MAD1L1: variants seen among roughly 807,000 people sequenced by gnomAD.
MAD1L1 encodes the protein mitotic spindle assembly checkpoint protein MAD1.
A neutral mutation model predicts 96.9 loss-of-function variants in MAD1L1; 95 were observed. That is an observed-to-expected ratio of 0.98 (90% CI 0.83 to 1.16). The LOEUF (loss-of-function observed/expected upper bound fraction) is 1.16, where lower values mean the gene tolerates loss of function less well. Among genes scored for constraint, MAD1L1 ranks in the 50% most tolerant of loss-of-function variants. MAD1L1 has a pLI of 0.00. For synonymous variants in MAD1L1, 473 were observed against 396.6 expected, an observed-to-expected ratio of 1.19 and a Z score of -2.29; for missense variants, 1,007 against 954.4, an observed-to-expected ratio of 1.06 and a Z score of -0.73.
chr7:2,018,743 A>G (rs956782804), intron 12 of MAD1L1, among the ~76,000 whole-genome samples: 2 of 151,766 alleles, frequency 1.3e-5, no homozygotes, highest in African/African-American at 4.8e-5. Flanking sequence ...CCCCTCACCC[A>G]TCTTCCTCCC....
chr7:1,869,982 T>C (rs953044282), intron 18 of MAD1L1, among the ~76,000 whole-genome samples: 3 of 152,118 alleles, frequency 2.0e-5, no homozygotes, highest in Non-Finnish European at 2.9e-5. Context: ...GCCTCGCCCG[T>C]GCCTCCCCTG....
intron 10 of MAD1L1, among the ~76,000 whole-genome samples, chr7:2,200,876 C>T (rs1347835486): frequency 2.0e-5 from 3 of 152,180 alleles, no homozygotes; most frequent in African/African-American, 7.2e-5. Flanking sequence ...CAGTGAGAAG[C>T]GTGCAGGAGC....
intron 10 of MAD1L1, among the ~76,000 whole-genome samples, chr7:2,154,673 G>A (rs925245795): frequency 5.3e-5 from 8 of 152,144 alleles, no homozygotes; most frequent in Non-Finnish European, 7.3e-5. Flanking sequence ...GGGCTCTCTG[G>A]GGATGAAGTG....
chr7:1,913,087 CGA>C (rs1788124312), intron 17 of MAD1L1, among the ~76,000 whole-genome samples: 1 of 152,186 alleles, frequency 6.6e-6, no homozygotes, highest in African/African-American at 2.4e-5. Flanking sequence ...TTCGGCAAGA[CGA>C]GAGTTTTAAA....
intron 18 of MAD1L1, among the ~76,000 whole-genome samples, chr7:1,864,552 G>A (rs1008195162): frequency 6.6e-6 from 1 of 152,338 alleles, no homozygotes; most frequent in Non-Finnish European, 1.5e-5. Flanking sequence ...TTGTCAGGAC[G>A]AGGAAATATT....
intron 10 of MAD1L1, among the ~76,000 whole-genome samples, chr7:2,209,652 C>T (rs1296699143): frequency 6.6e-6 from 1 of 152,218 alleles, no homozygotes; most frequent in Non-Finnish European, 1.5e-5. Flanking sequence ...AAGGCGGGGG[C>T]ACCACCTAGT....
intron 11 of MAD1L1, among the ~76,000 whole-genome samples, chr7:2,135,823 A>C (rs1251466486): frequency 6.6e-6 from 1 of 152,244 alleles, no homozygotes; most frequent in Non-Finnish European, 1.5e-5. Context: ...CTCAGCAGAG[A>C]CCTGAATCTG....
At chr7:1,863,732 G>A (rs927211767) in intron 18 of MAD1L1, among the ~76,000 whole-genome samples, 23 of 152,162 alleles carry the variant, frequency 1.5e-4, no homozygotes, top group African/African-American at 5.3e-4. Context: ...CTGCAGTCCC[G>A]GAACACCGTG....
chr7:2,027,424 C>A (rs1783040054), intron 12 of MAD1L1, among the ~76,000 whole-genome samples: 1 of 152,220 alleles, frequency 6.6e-6, no homozygotes, highest in Non-Finnish European at 1.5e-5. Flanking sequence ...TGACCTTTCT[C>A]CCCAATAAAT....
intron 10 of MAD1L1, among the ~76,000 whole-genome samples, chr7:2,162,638 C>T (rs1352346354): frequency 7.4e-6 from 1 of 135,120 alleles, no homozygotes; most frequent in Non-Finnish European, 1.6e-5. Flanking sequence ...TAAATGATAT[C>T]TTAAAAAAAA....
intron 12 of MAD1L1, 68 bp downstream of exon 12, chr7:2,069,126 A>G (rs2128529109): frequency 3.4e-6 from 5 of 1,460,954 alleles, no homozygotes; most frequent in Non-Finnish European, 4.5e-6. Context: ...AGTGAGATCC[A>G]GCTAACCAGG....
chr7:2,171,698 G>A (rs1790715519), intron 10 of MAD1L1, among the ~76,000 whole-genome samples: 1 of 152,142 alleles, frequency 6.6e-6, no homozygotes. Flanking sequence ...GCAAAGTACA[G>A]CAGAAAAGTC....
chr7:2,158,503 C>A (rs1327934705), intron 10 of MAD1L1, among the ~76,000 whole-genome samples: 2 of 152,212 alleles, frequency 1.3e-5, no homozygotes, highest in Non-Finnish European at 2.9e-5. Context: ...CAGAGCCCTG[C>A]GGAAGGCAGG....
chr7:2,189,689 G>A (rs187278506), intron 10 of MAD1L1, among the ~76,000 whole-genome samples: 2 of 152,304 alleles, frequency 1.3e-5, no homozygotes, highest in East Asian at 3.9e-4. Flanking sequence ...TTTGGCTTTG[G>A]GAAGATAAAG....
intron 12 of MAD1L1, among the ~76,000 whole-genome samples, chr7:2,062,340 G>C (rs1584229445): frequency 6.6e-6 from 1 of 151,700 alleles, no homozygotes; most frequent in Non-Finnish European, 1.5e-5. Context: ...GGATTGGGAG[G>C]CCGAAGTAGG....
chr7:2,164,268 G>A (rs1790310696), intron 10 of MAD1L1, among the ~76,000 whole-genome samples: 1 of 152,204 alleles, frequency 6.6e-6, no homozygotes, highest in Admixed American at 6.5e-5. Context: ...GCCGACTGAT[G>A]CAAAGGAATG....
chr7:2,094,097 G>T (rs73034420), intron 11 of MAD1L1, among the ~76,000 whole-genome samples: 1 of 152,210 alleles, frequency 6.6e-6, no homozygotes, highest in Non-Finnish European at 1.5e-5. Context: ...GAGCCCGCTG[G>T]GAGCACACGC....
At chr7:2,032,679 C>T (rs1471738444) in intron 12 of MAD1L1, among the ~76,000 whole-genome samples, 2 of 152,194 alleles carry the variant, frequency 1.3e-5, no homozygotes, top group South Asian at 4.1e-4. Flanking sequence ...CCACCAGGCT[C>T]GAGGGACCCT....
chr7:1,891,828 A>G (rs1223410127), intron 18 of MAD1L1, among the ~76,000 whole-genome samples: 2 of 152,106 alleles, frequency 1.3e-5, no homozygotes, highest in Admixed American at 1.3e-4. Flanking sequence ...CGATCCCCCC[A>G]CTTCAGCCTC....
Sources: gnomAD v4.1 joint callset for allele counts (sites outside exome capture counted in the v4.1 genomes callset) on GRCh38, gnomAD v4.1.1 for gene constraint, MANE v1.5 for transcripts, NCBI Gene and HGNC (gene_info 2026-07-23, HGNC 2026-07-21) for gene names.